PTPRG: variants seen among roughly 807,000 people sequenced by gnomAD.
The protein encoded by PTPRG is protein tyrosine phosphatase receptor type G.
In PTPRG, 102 loss-of-function variants were observed where a neutral mutation model predicts 165.3. The ratio of observed to expected loss-of-function variants is 0.62; its 90% CI spans 0.53 to 0.73. The LOEUF (loss-of-function observed/expected upper bound fraction) is 0.73, where lower values mean the gene tolerates loss of function less well. Ranked by LOEUF, PTPRG falls within the 30% of genes least tolerant of loss-of-function variation. The pLI, the probability that PTPRG is intolerant of heterozygous loss-of-function variation, is 0.00. For synonymous variants in PTPRG, 675 were observed against 669.5 expected (o/e 1.01, Z -0.13); for missense variants, 1,866 against 1,861.4 (o/e 1.00, Z -0.05).
intron 1 of PTPRG, among the ~76,000 whole-genome samples, chr3:61,702,880 T>C (rs1025181625): frequency 1.3e-5 from 2 of 152,268 alleles, no homozygotes; most frequent in Admixed American, 6.5e-5. Context: ...TTCTTCTTGT[T>C]AGACCTTTTG....
chr3:61,833,197 T>G (rs900120902), intron 2 of PTPRG, among the ~76,000 whole-genome samples: 2 of 151,910 alleles, frequency 1.3e-5, no homozygotes, highest in East Asian at 3.9e-4. Flanking sequence ...GCAGGTAGAG[T>G]CTCCTGACTG....
chr3:62,220,413 G>A (rs1226499162), intron 13 of PTPRG, among the ~76,000 whole-genome samples: 2 of 152,192 alleles, frequency 1.3e-5, no homozygotes, highest in African/African-American at 2.4e-5. Flanking sequence ...AGAAGGACAC[G>A]ATTGTGTCTC....
intron 9 of PTPRG, among the ~76,000 whole-genome samples, chr3:62,194,277 G>A (rs1004432224): frequency 7.2e-5 from 11 of 152,150 alleles, no homozygotes; most frequent in Admixed American, 3.9e-4. Context: ...TCTGTTGCTC[G>A]GTGTGGTCTA....
In PTPRG at chr3:62,049,769, A is replaced by G. The variant is rs532424355; in HGVS notation, c.520-28394A>G. On this transcript the variant is annotated intron_variant, in intron 4 of 29. Coordinates refer to ENST00000474889, the MANE Select transcript of PTPRG (RefSeq NM_002841.4). ...CGGGAATTCAGAGTAGGGAAGGAAGATATTACTGAGCTGTTGAGCTACATT... is the reference window on the plus strand; with the variant it reads ...CGGGAATTCAGAGTAGGGAAGGAAGGTATTACTGAGCTGTTGAGCTACATT... Among the ~76,000 whole-genome samples, 3 of 152,320 alleles carry G rather than the reference A, an allele frequency of 2.0e-5. No individual in the cohort carries two copies. In the South Asian group the frequency reaches 6.2e-4, roughly 32 times the overall value.
chr3:61,600,186 A>ATGTGTGTG (rs1189934671), intron 1 of PTPRG, among the ~76,000 whole-genome samples: 41 of 116,064 alleles, frequency 3.5e-4, no homozygotes, highest in South Asian at 1.5e-3. Flanking sequence ...ATATATATAT[A>ATGTGTGTG]TATATATGTG....
chr3:61,896,085 G>A (rs1269710207), intron 2 of PTPRG, among the ~76,000 whole-genome samples: 1 of 152,080 alleles, frequency 6.6e-6, no homozygotes, highest in Non-Finnish European at 1.5e-5. Context: ...GTGTGCATGT[G>A]TGTATAAATT....
chr3:61,607,314 A>G (rs780953731), intron 1 of PTPRG, among the ~76,000 whole-genome samples: 7 of 152,208 alleles, frequency 4.6e-5, no homozygotes, highest in African/African-American at 7.2e-5. Flanking sequence ...TGTCTCCTTG[A>G]CATGAGTATC....
chr3:62,269,779 A>C (rs147595476), intron 20 of PTPRG, among the ~76,000 whole-genome samples: 183 of 152,222 alleles, frequency 1.2e-3, no homozygotes, highest in African/African-American at 3.8e-3. Flanking sequence ...CTGTCACAAC[A>C]AATATCCTAG....
chr3:61,964,855 A>G (rs910436224), intron 2 of PTPRG, among the ~76,000 whole-genome samples: 1 of 152,076 alleles, frequency 6.6e-6, no homozygotes, highest in Non-Finnish European at 1.5e-5. Flanking sequence ...ATTGACCTAG[A>G]ATTTTAGAAG....
At chr3:62,153,188 C>T (rs1704399408) in intron 6 of PTPRG, among the ~76,000 whole-genome samples, 2 of 152,184 alleles carry the variant, frequency 1.3e-5, no homozygotes, top group Non-Finnish European at 2.9e-5. Flanking sequence ...AACGGTTGCT[C>T]GTTCCTAGCT....
chr3:62,029,152 T>C (rs1389023270), intron 4 of PTPRG, among the ~76,000 whole-genome samples: 3 of 152,180 alleles, frequency 2.0e-5, no homozygotes, highest in Non-Finnish European at 4.4e-5. Context: ...ATGTGTGTAT[T>C]CTGACTTGTG....
intron 2 of PTPRG, among the ~76,000 whole-genome samples, chr3:61,950,356 T>C (rs2039870012): frequency 6.6e-6 from 1 of 152,212 alleles, no homozygotes; most frequent in South Asian, 2.1e-4. Context: ...AATGCTTGAT[T>C]GTGAGAACTT....
intron 4 of PTPRG, among the ~76,000 whole-genome samples, chr3:62,003,882 C>G (rs1392574943): frequency 6.6e-6 from 1 of 152,232 alleles, no homozygotes; most frequent in Admixed American, 6.5e-5. Context: ...GAAGAGGAGT[C>G]TCTCTCAGAA....
At chr3:62,279,772 C>T (rs1028623367) in intron 26 of PTPRG, among the ~76,000 whole-genome samples, 3 of 152,072 alleles carry the variant, frequency 2.0e-5, no homozygotes, top group African/African-American at 7.2e-5. Flanking sequence ...TCTCATTGGA[C>T]GTTGGCTCAT....
intron 6 of PTPRG, among the ~76,000 whole-genome samples, chr3:62,135,011 G>C (rs1466699606): frequency 6.6e-6 from 1 of 152,284 alleles, no homozygotes; most frequent in Non-Finnish European, 1.5e-5. Flanking sequence ...AGTGGCTCAT[G>C]CCTATAATCC....
Position 62,183,015 on chromosome 3 carries a change from C to T in PTPRG, c.1034-8454C>T, listed in dbSNP as rs1441546508. On this transcript the variant is annotated intron_variant, in intron 8 of 29. Coordinates refer to ENST00000474889, the MANE Select transcript of PTPRG (RefSeq NM_002841.4). ...TCAGTCCACGTGCATTTGTGCATTT[C>T]ATGCATTTATCCCAGAAGCTTTTAC... Among the ~76,000 whole-genome samples, 3 of 152,218 alleles carry T rather than the reference C, an allele frequency of 2.0e-5. No homozygotes were observed. The East Asian group carries it at 5.8e-4, about 29-fold the overall frequency.
Position 62,169,194 on chromosome 3 carries a change from G to C in PTPRG, c.1033+1031G>C, listed in dbSNP as rs922939569. On this transcript the variant is annotated intron_variant, in intron 8 of 29. Coordinates refer to ENST00000474889, the MANE Select transcript of PTPRG (RefSeq NM_002841.4). ...ATGTCTGTTTTCACTTAGGGCCCAA[G>C]GGTCTCCAAATTTGAGGGTGGGGCC... is the stretch of plus-strand genomic sequence containing the variant. Among the ~76,000 whole-genome samples, 6 of 152,188 alleles carry C rather than the reference G, an allele frequency of 3.9e-5. No homozygotes were observed. In the East Asian group the frequency reaches 7.8e-4, roughly 20 times the overall value.
intron 4 of PTPRG, among the ~76,000 whole-genome samples, chr3:62,007,033 T>A (rs2041314305): frequency 6.6e-6 from 1 of 152,246 alleles, no homozygotes. Context: ...TTGCCTTATG[T>A]GTAACAGCAT....
chr3:61,687,163 C>T (rs868031679), intron 1 of PTPRG, among the ~76,000 whole-genome samples: 4 of 151,986 alleles, frequency 2.6e-5, no homozygotes, highest in East Asian at 3.9e-4. Context: ...CAGGAAAAGA[C>T]GTAGGAAATC....
Sources: allele counts gnomAD v4.1 joint callset (sites outside exome capture counted in the v4.1 genomes callset), GRCh38; gene constraint gnomAD v4.1.1; transcripts MANE v1.5; gene names NCBI Gene and HGNC (gene_info 2026-07-23, HGNC 2026-07-21).